HEATR5A: variants seen among roughly 807,000 people sequenced by gnomAD.
The protein encoded by HEATR5A is HEAT repeat-containing protein 5A.
HEATR5A carries 178 observed loss-of-function variants against 218.8 expected under a neutral mutation model. The ratio of observed to expected loss-of-function variants is 0.81; its 90% CI spans 0.72 to 0.92. The LOEUF is 0.92. HEATR5A is among the 40% of genes least tolerant of loss of function. The pLI, the probability that HEATR5A is intolerant of heterozygous loss-of-function variation, is 0.00. For synonymous variants in HEATR5A, 864 were observed against 871.6 expected (o/e 0.99, Z 0.15); for missense variants, 2,420 against 2,418.9 (o/e 1.00, Z -0.01).
chr14:31,354,534 T>C (rs7151378), intron 16 of HEATR5A, among the ~76,000 whole-genome samples: 128,365 of 152,142 alleles, frequency 0.84, 55,075 homozygotes, highest in Non-Finnish European at 0.93. Context: ...ATTCTGATCT[T>C]CAGGAAGATG....
At position 31,304,890 on chromosome 14, in the gene HEATR5A, C is replaced by T. The variant is rs1274779548; in HGVS notation, c.5239+15G>A. ...TCTTCTAGGTCAAGTCAAGCAATCA[C>T]ATACCACAGCATACCTTCAGGAGAG... is the stretch of plus-strand genomic sequence containing the variant. On this transcript the variant is annotated intron_variant, in intron 32 of 35. Coordinates refer to ENST00000543095, the MANE Select transcript of HEATR5A (RefSeq NM_015473.4). The T allele has an allele frequency of 1.5e-5, 24 of 1,611,072 alleles. No individual in the cohort carries two copies. Among genetic ancestry groups the T allele is most frequent in the Non-Finnish European group, 2.0e-5 (24 of 1,179,194 alleles).
In HEATR5A at chr14:31,322,182, G is replaced by A. The variant is rs572771869; in HGVS notation, c.3788-502C>T. Among the ~76,000 whole-genome samples the A allele has an allele frequency of 9.0e-4, 137 of 152,206 alleles. 1 individual carries two copies. Among genetic ancestry groups the A allele is most frequent in the Middle Eastern group, 3.4e-3 (1 of 294 alleles). On this transcript the variant is annotated intron_variant, in intron 24 of 35. Coordinates refer to ENST00000543095, the MANE Select transcript of HEATR5A (RefSeq NM_015473.4). ...GGGAGTATAAAAAACATTTCTAGTC[G>A]TAGAAATGATAAATGGTAATTCCTT...
chr14:31,372,356 T>C (rs1902068417), intron 12 of HEATR5A, among the ~76,000 whole-genome samples: 1 of 152,204 alleles, frequency 6.6e-6, no homozygotes, highest in African/African-American at 2.4e-5. Flanking sequence ...TTTGTATTTT[T>C]AGAAGAGAAG....
In HEATR5A at chr14:31,307,869, CA is replaced by C. The variant is rs761524555; in HGVS notation, c.4818+23del. 4.9e-5 allele frequency: 79 copies of C among 1,599,276 alleles called. 1 individual carries two copies. In the Middle Eastern group the frequency reaches 1.5e-3, roughly 30 times the overall value. On this transcript the variant is annotated intron_variant, in intron 30 of 35. Transcript: ENST00000543095. ...TTCCTTAAAGACTACAGAAGCCTTA[CA>C]AAAAAAACCCCAGATAAATCACCTG...
Position 31,313,188 on chromosome 14 carries a change from G to C in HEATR5A, c.4221C>G (p.Val1407=). Residue 1407 remains valine (V), a splice_region_variant and synonymous_variant, in exon 28 of 36, where the codon GTC becomes GTG. Coordinates refer to ENST00000543095, the MANE Select transcript of HEATR5A (RefSeq NM_015473.4). ...ILAVLKAWAE[V]YIIAVQRHKN... Reference sequence around the variant, plus strand: ...TATGTCTTTGCACAGCAATTATGTAGACCTGTTAAAGGTTAATTTAAAAAC... The same window carrying C: ...TATGTCTTTGCACAGCAATTATGTACACCTGTTAAAGGTTAATTTAAAAAC... 1 of 1,607,702 alleles carries C rather than the reference G, an allele frequency of 6.2e-7. No individual in the cohort carries two copies. Among genetic ancestry groups the C allele is most frequent in the Non-Finnish European group, 8.5e-7 (1 of 1,174,818 alleles).
intron 29 of HEATR5A, 107 bp from the exon 30 acceptor site, chr14:31,308,127 G>A: frequency 6.0e-6 from 6 of 999,870 alleles, no homozygotes; most frequent in East Asian, 5.4e-5. Flanking sequence ...ACAGTAAAAA[G>A]GTAATACAAA....
rs2031612500 is a variant in HEATR5A, at chr14:31,420,489, AG to A, written c.-93del. ...CTGCCTGCCTTTGGGGGTCCTCCTCAGCTGAGCGTGCGTCCCGGTCCAGCAA... is the reference window on the plus strand; with the variant it reads ...CTGCCTGCCTTTGGGGGTCCTCCTCACTGAGCGTGCGTCCCGGTCCAGCAA... On this transcript the variant is annotated 5_prime_UTR_variant, in exon 1 of 36. Transcript: ENST00000543095. 6.6e-6 allele frequency: 1 copy of A among 152,580 alleles called. No individual in the cohort carries two copies. The highest frequency in any genetic ancestry group is 2.1e-4 in the South Asian group (1 of 4,844). 9.5% of individuals were successfully genotyped at this position (152,580 alleles called of 1,614,324 possible). A position where few individuals can be genotyped will look rare whatever the true frequency, so the allele number is the denominator to read the frequency against.
chr14:31,343,801 T>G lies in HEATR5A; in HGVS notation c.3228+95A>C, dbSNP rs372685805. ...TAGCTACGTATATAACACATAACTT[T>G]GTACATAGTCTAGAGTATAATTAAA... On this transcript the variant is annotated intron_variant, in intron 21 of 35. Coordinates refer to ENST00000543095, the MANE Select transcript of HEATR5A (RefSeq NM_015473.4). 5 of 1,032,448 alleles carry G rather than the reference T, an allele frequency of 4.8e-6. No individual in the cohort carries two copies. The African/African-American group carries it at 4.9e-5, about 10-fold the overall frequency. 64.0% of individuals were successfully genotyped at this position (1,032,448 alleles called of 1,614,324 possible). A position where few individuals can be genotyped will look rare whatever the true frequency, so the allele number is the denominator to read the frequency against.
intron 6 of HEATR5A, among the ~76,000 whole-genome samples, chr14:31,391,947 T>C (rs893226596): frequency 1.3e-5 from 2 of 152,148 alleles, no homozygotes; most frequent in African/African-American, 2.4e-5. Context: ...AATGACAAAA[T>C]CACTTCATGA....
At chr14:31,396,361 G>A (rs937606438) in intron 4 of HEATR5A, among the ~76,000 whole-genome samples, 6 of 151,630 alleles carry the variant, frequency 4.0e-5, no homozygotes, top group African/African-American at 1.5e-4. Flanking sequence ...GGAGGCAGAG[G>A]GTACAATCGG....
At chr14:31,334,333 A>G (rs775800405) in intron 22 of HEATR5A, 36 of 421,362 alleles carry the variant, frequency 8.5e-5, no homozygotes, top group Non-Finnish European at 1.6e-4. Flanking sequence ...AATACATTTT[A>G]TAAGGCTACA....
intron 1 of HEATR5A, among the ~76,000 whole-genome samples, chr14:31,405,398 C>T (rs1766436702): frequency 6.6e-6 from 1 of 152,192 alleles, no homozygotes; most frequent in Non-Finnish European, 1.5e-5. Flanking sequence ...CACACCACTG[C>T]ACTCCAGACT....
chr14:31,293,181 C>A lies in HEATR5A; in HGVS notation c.*124G>T, dbSNP rs1408881843. On this transcript the variant is annotated 3_prime_UTR_variant, in exon 36 of 36. Transcript: ENST00000543095. ...ATGCTGTTACTTTGAAGAGTCACAG[C>A]TATTTAAGGTAAAACAATCAACTAG... The A allele has an allele frequency of 3.0e-6, 2 of 662,120 alleles. No individual in the cohort carries two copies. The highest frequency in any genetic ancestry group is 6.4e-5 in the Admixed American group (2 of 31,084). 41.0% of individuals were successfully genotyped at this position (662,120 alleles called of 1,614,324 possible).
rs963688279 is a variant in HEATR5A, at chr14:31,337,592, A to G, written c.3251T>C (p.Leu1084Ser). 6 of 1,601,406 alleles carry G rather than the reference A, an allele frequency of 3.7e-6. No homozygotes were observed. Among genetic ancestry groups the G allele is most frequent in the Admixed American group, 1.7e-5 (1 of 58,024 alleles). The change falls in exon 22 of 36, where the codon TTG becomes TCG. Residue 1084 changes from leucine (L) to serine (S), a missense_variant. Physicochemically the swap from Leu to Ser is moderately radical, Grantham distance 145. Coordinates refer to ENST00000543095, the MANE Select transcript of HEATR5A (RefSeq NM_015473.4). ...CLCVNLCSPY[L>S]LLRRAVLACL... ...AGCCAGTACTGCTCTTCTCAGTAACAAGTAGGGGCTACAAAGATTCACCTG... is the reference window on the plus strand; with the variant it reads ...AGCCAGTACTGCTCTTCTCAGTAACGAGTAGGGGCTACAAAGATTCACCTG...
chr14:31,393,193 T>C (rs1011881743), intron 6 of HEATR5A, among the ~76,000 whole-genome samples: 1 of 152,070 alleles, frequency 6.6e-6, no homozygotes, highest in Non-Finnish European at 1.5e-5. Context: ...CACTTCACAA[T>C]TACTTTAAAA....
At chr14:31,364,139 G>A (rs1901722383) in intron 14 of HEATR5A, 50 bp downstream of exon 14, 7 of 740,542 alleles carry the variant, frequency 9.5e-6, no homozygotes, top group African/African-American at 1.8e-5. Context: ...TATTGTTCCA[G>A]AAACCATACT....
intron 32 of HEATR5A, chr14:31,302,774 TTTTC>T (rs1899427627): frequency 4.9e-6 from 2 of 408,282 alleles, no homozygotes; most frequent in Non-Finnish European, 8.8e-6. Context: ...GCTGTTTTTG[TTTTC>T]TTTGGCAGTC....
chr14:31,299,328 T>A (rs1899289492), intron 33 of HEATR5A, among the ~76,000 whole-genome samples: 1 of 152,244 alleles, frequency 6.6e-6, no homozygotes, highest in Admixed American at 6.5e-5. Context: ...GTCCATACTA[T>A]TATTATCTTA....
rs949658763 is a variant in HEATR5A, at chr14:31,292,053, T to A, written c.*1252A>T. On this transcript the variant is annotated 3_prime_UTR_variant, in exon 36 of 36. Coordinates refer to ENST00000543095, the MANE Select transcript of HEATR5A (RefSeq NM_015473.4). ...GTATAACACTGAAGTAGAAGGAGAA[T>A]CAACAATCATGAACACAGTTAAAAA... 2 of 152,204 alleles carry A rather than the reference T, an allele frequency of 1.3e-5. No homozygotes were observed. The highest frequency in any genetic ancestry group is 2.9e-5 in the Non-Finnish European group (2 of 68,024). The allele number at this position is 152,204 out of a possible 1,614,324, so 9.4% of individuals were successfully genotyped here.
Sources: gnomAD v4.1 joint callset for allele counts (sites outside exome capture counted in the v4.1 genomes callset) on GRCh38, gnomAD v4.1.1 for gene constraint, MANE v1.5 for transcripts, NCBI Gene and HGNC (gene_info 2026-07-23, HGNC 2026-07-21) for gene names.